Variants in TMEM117 observed in about 807,000 individuals in gnomAD.
The protein encoded by TMEM117 is transmembrane protein 117.
A neutral mutation model predicts 52.4 loss-of-function variants in TMEM117; 27 were observed. The ratio of observed to expected loss-of-function variants is 0.51; its 90% CI spans 0.38 to 0.71. The LOEUF is 0.71. TMEM117 is among the 30% of genes least tolerant of loss of function. The pLI, the probability that TMEM117 is intolerant of heterozygous loss-of-function variation, is 0.00. For missense variants in TMEM117, 556 were observed against 630.5 expected (o/e 0.88, Z 1.26); for synonymous variants, 215 against 206.3 (o/e 1.04, Z -0.36).
At chr12:44,005,209 C>T (rs1039683457) in intron 3 of TMEM117, among the ~76,000 whole-genome samples, 2 of 152,110 alleles carry the variant, frequency 1.3e-5, no homozygotes, top group Admixed American at 1.3e-4. Flanking sequence ...ACCTGAAGAC[C>T]TCTGTTGCAA....
rs757187458 is a variant in TMEM117 at position 43,844,862 on chromosome 12, C to G, written c.211C>G (p.Leu71Val). 9 of 1,614,088 alleles carry G rather than the reference C, an allele frequency of 5.6e-6. No individual in the cohort carries two copies. The Admixed American group carries it at 1.5e-4, about 27-fold the overall frequency. ...TGGCTGGAGGATTTTGAAGGTGCTT[C>G]TATGGCTACTTGCCATTCTCACAGG... ...GVGWRILKVL[L>V]WLLAILTGLI... The change falls in exon 2 of 8, where the codon CTA (leucine) becomes GTA (valine). Residue 71 changes from leucine to valine, a missense_variant. By Grantham distance (32) the Leu-to-Val change is conservative. Transcript: ENST00000266534.
At chr12:43,944,022 CTTTA>C (rs1486422941) in intron 2 of TMEM117, among the ~76,000 whole-genome samples, 184 bp from the exon 3 acceptor site, 5 of 152,290 alleles carry the variant, frequency 3.3e-5, no homozygotes, top group East Asian at 3.9e-4. Context: ...TCGTCTTCGA[CTTTA>C]TTTATGATCA....
intron 3 of TMEM117, among the ~76,000 whole-genome samples, chr12:44,038,004 T>C (rs1216481230): frequency 6.6e-6 from 1 of 152,082 alleles, no homozygotes; most frequent in East Asian, 1.9e-4. Context: ...AGATGGGAGC[T>C]ACCCACTGAG....
intron 3 of TMEM117, among the ~76,000 whole-genome samples, chr12:44,105,242 G>A (rs943939445): frequency 2.0e-5 from 3 of 151,676 alleles, no homozygotes; most frequent in African/African-American, 7.3e-5. Context: ...CTTTCCTCAA[G>A]TGTTCCTAGT....
chr12:43,818,419 T>TG, the TMEM117 span, among the ~76,000 whole-genome samples: 1 of 148,316 alleles, frequency 6.7e-6, no homozygotes, highest in African/African-American at 2.5e-5. Flanking sequence ...AATTTGTATC[T>TG]GTTTTTTTTT....
chr12:44,010,859 A>C (rs1946278774), intron 3 of TMEM117, among the ~76,000 whole-genome samples: 1 of 152,260 alleles, frequency 6.6e-6, no homozygotes, highest in South Asian at 2.1e-4. Flanking sequence ...AAACATATAC[A>C]CATGAGCATA....
At chr12:43,835,086 C>T (rs1387273174), upstream of TMEM117, among the ~76,000 whole-genome samples, 1 of 152,178 alleles carries the variant, frequency 6.6e-6, no homozygotes, top group Non-Finnish European at 1.5e-5. Context: ...GTGATAACTT[C>T]CATTACCACA....
intron 6 of TMEM117, among the ~76,000 whole-genome samples, chr12:44,342,156 C>T (rs1047308657): frequency 6.6e-6 from 1 of 152,090 alleles, no homozygotes; most frequent in South Asian, 2.1e-4. Flanking sequence ...AGTGTACTGG[C>T]GTTTGAAAGC....
chr12:44,024,746 G>A (rs1376620938), intron 3 of TMEM117, among the ~76,000 whole-genome samples: 1 of 151,948 alleles, frequency 6.6e-6, no homozygotes, highest in South Asian at 2.1e-4. Flanking sequence ...TTAACATAAG[G>A]AAAAATTATT....
the TMEM117 span, among the ~76,000 whole-genome samples, chr12:43,813,231 G>GCTTTTTTTTTTTT: frequency 1.8e-4 from 11 of 62,660 alleles, no homozygotes; most frequent in African/African-American, 5.3e-4. Flanking sequence ...GTTTTCTCTT[G>GCTTTTTTTTTTTT]TTTTTTTTTT....
the TMEM117 span, chr12:43,806,400 C>T: frequency 6.0e-6 from 7 of 1,169,376 alleles, no homozygotes; most frequent in African/African-American, 1.6e-5. Context: ...AGTGCCCGAG[C>T]GTCCCCGCCG....
chr12:43,904,850 C>T (rs1269690930), intron 2 of TMEM117, among the ~76,000 whole-genome samples: 3 of 152,294 alleles, frequency 2.0e-5, no homozygotes, highest in African/African-American at 7.2e-5. Flanking sequence ...GCTTATCAAA[C>T]GATCTGTTTT....
At chr12:44,122,917 G>A (rs1258303976) in intron 3 of TMEM117, among the ~76,000 whole-genome samples, 5 of 152,148 alleles carry the variant, frequency 3.3e-5, no homozygotes, top group African/African-American at 9.7e-5. Flanking sequence ...ATCCCTTTTG[G>A]TATGTACCCA....
At chr12:43,877,275 A>G (rs1411700714) in intron 2 of TMEM117, among the ~76,000 whole-genome samples, 1 of 152,200 alleles carries the variant, frequency 6.6e-6, no homozygotes, top group African/African-American at 2.4e-5. Flanking sequence ...TTGGAGAAAT[A>G]TAAATTTTTG....
At chr12:43,923,137 A>T (rs974260683) in intron 2 of TMEM117, among the ~76,000 whole-genome samples, 8 of 152,270 alleles carry the variant, frequency 5.3e-5, no homozygotes, top group African/African-American at 1.9e-4. Flanking sequence ...GGTCTATCAG[A>T]TATGTTGCTT....
At chr12:44,086,970 A>T (rs1040015864) in intron 3 of TMEM117, among the ~76,000 whole-genome samples, 29 of 147,530 alleles carry the variant, frequency 2.0e-4, no homozygotes, top group South Asian at 1.0e-3. Flanking sequence ...TAATAATTAT[A>T]AATTATATAA....
intron 3 of TMEM117, among the ~76,000 whole-genome samples, chr12:44,103,013 C>T (rs540708238): frequency 5.9e-5 from 9 of 151,976 alleles, no homozygotes; most frequent in Non-Finnish European, 8.8e-5. Context: ...CTGAGGCCTC[C>T]CCAGCCATGC....
chr12:44,083,111 AT>A (rs1377828711), intron 3 of TMEM117, among the ~76,000 whole-genome samples: 2 of 152,002 alleles, frequency 1.3e-5, no homozygotes, highest in Non-Finnish European at 2.9e-5. Context: ...TTTCTTCCCA[AT>A]TTTATATGTG....
At chr12:43,970,514 T>G (rs560173821) in intron 3 of TMEM117, among the ~76,000 whole-genome samples, 38 of 152,146 alleles carry the variant, frequency 2.5e-4, no homozygotes, top group Non-Finnish European at 4.6e-4. Context: ...GGTCTCAATC[T>G]CCTGACCTTG....
Sources: allele counts gnomAD v4.1 joint callset (sites outside exome capture counted in the v4.1 genomes callset), GRCh38; gene constraint gnomAD v4.1.1; transcripts MANE v1.5; gene names NCBI Gene and HGNC (gene_info 2026-07-23, HGNC 2026-07-21).